TPH2: variants seen among roughly 807,000 people sequenced by gnomAD.
The protein encoded by TPH2 is tryptophan hydroxylase 2, also known as tryptophan 5-hydroxylase 2.
In TPH2, 27 loss-of-function variants were observed where a neutral mutation model predicts 59.1. The ratio of observed to expected loss-of-function variants is 0.46; its 90% confidence interval spans 0.34 to 0.63. TPH2 has a LOEUF of 0.63. Among genes scored for constraint, TPH2 ranks in the 30% least tolerant of loss-of-function variants. TPH2 has a pLI of 0.01. For missense variants in TPH2, 523 were observed against 588.3 expected (o/e 0.89, Z 1.15); for synonymous variants, 220 against 210.5 (o/e 1.05, Z -0.39).
intron 7 of TPH2, among the ~76,000 whole-genome samples, chr12:71,981,477 A>G (rs1474088455): frequency 1.3e-5 from 2 of 152,166 alleles, no homozygotes; most frequent in Admixed American, 1.3e-4. Context: ...CTCACATTCT[A>G]TGAAGGAATA....
chr12:72,020,071 T>C (rs1873368806), intron 8 of TPH2, among the ~76,000 whole-genome samples: 1 of 152,254 alleles, frequency 6.6e-6, no homozygotes, highest in Non-Finnish European at 1.5e-5. Flanking sequence ...GACAATAGTC[T>C]AGATCAGTTG....
At position 71,993,284 on chromosome 12, in the gene TPH2, G is replaced by A. The variant is rs143855141; in HGVS notation, c.942-1155G>A. Among the ~76,000 whole-genome samples the A allele has an allele frequency of 8.9e-4, 135 of 152,310 alleles. 4 individuals carry two copies. In the East Asian group the frequency reaches 0.014, roughly 16 times the overall value. On this transcript the variant is annotated intron_variant, in intron 7 of 10. Coordinates refer to ENST00000333850, the MANE Select transcript of TPH2 (RefSeq NM_173353.4). ...ATACTTTTTAATTGTAATAATGGTA[G>A]CACCTGGTATTTGTATTCTAGCAGC...
chr12:71,957,101 T>G (rs1021349951), intron 5 of TPH2, among the ~76,000 whole-genome samples: 1 of 152,192 alleles, frequency 6.6e-6, no homozygotes, highest in African/African-American at 2.4e-5. Context: ...TCTGTGGTCA[T>G]GGGCAGTGAC....
At chr12:71,989,256 C>T (rs983215056) in intron 7 of TPH2, among the ~76,000 whole-genome samples, 11 of 152,230 alleles carry the variant, frequency 7.2e-5, no homozygotes, top group African/African-American at 2.4e-4. Flanking sequence ...TATATGGCTC[C>T]AAAACAAGCC....
At chr12:72,008,895 A>G (rs1873025530) in intron 8 of TPH2, among the ~76,000 whole-genome samples, 1 of 152,114 alleles carries the variant, frequency 6.6e-6, no homozygotes, top group South Asian at 2.1e-4. Context: ...AATCCTCTAA[A>G]AAAGGGATTA....
At chr12:72,025,521 A>C (rs1873544662) in intron 9 of TPH2, among the ~76,000 whole-genome samples, 1 of 152,282 alleles carries the variant, frequency 6.6e-6, no homozygotes, top group South Asian at 2.1e-4. Flanking sequence ...TTTTTTGACA[A>C]TACTAATTCT....
chr12:71,995,388 A>G (rs1164387431), intron 8 of TPH2, among the ~76,000 whole-genome samples: 5 of 152,300 alleles, frequency 3.3e-5, no homozygotes, highest in South Asian at 2.1e-4. Flanking sequence ...CAAAACCACC[A>G]AGGGATGAAA....
intron 5 of TPH2, among the ~76,000 whole-genome samples, chr12:71,961,217 C>G (rs548464141): frequency 3.9e-5 from 6 of 152,152 alleles, no homozygotes; most frequent in Non-Finnish European, 8.8e-5. Flanking sequence ...TGATCTTGGA[C>G]AGATTATTAC....
intron 7 of TPH2, among the ~76,000 whole-genome samples, chr12:71,984,944 C>G (rs1010285804): frequency 3.3e-5 from 5 of 152,298 alleles, no homozygotes; most frequent in African/African-American, 1.2e-4. Context: ...TCCTTCCATC[C>G]TTCAGCATAG....
chr12:71,964,776 T>C, intron 5 of TPH2: 1 of 984,662 alleles, frequency 1.0e-6, no homozygotes, highest in Non-Finnish European at 1.2e-6. Flanking sequence ...TTTGTGATGA[T>C]GAATTTTTTT....
intron 5 of TPH2, among the ~76,000 whole-genome samples, chr12:71,958,139 A>C (rs1871564538): frequency 6.6e-6 from 1 of 152,226 alleles, no homozygotes; most frequent in South Asian, 2.1e-4. Context: ...CACTTGCATG[A>C]AACACCAGGT....
intron 1 of TPH2, among the ~76,000 whole-genome samples, chr12:71,940,744 G>A (rs569849190): frequency 1.3e-5 from 2 of 152,206 alleles, no homozygotes; most frequent in East Asian, 3.9e-4. Flanking sequence ...CTGAGTTACT[G>A]GAATCTGTCA....
intron 5 of TPH2, among the ~76,000 whole-genome samples, chr12:71,970,777 T>G (rs1484114073): frequency 3.3e-5 from 5 of 152,268 alleles, no homozygotes; most frequent in African/African-American, 1.2e-4. Context: ...TTTGCCAGGT[T>G]GTAATTTTTT....
chr12:71,975,617 TC>T (rs1395089238), intron 6 of TPH2, among the ~76,000 whole-genome samples: 1 of 152,186 alleles, frequency 6.6e-6, no homozygotes, highest in Admixed American at 6.5e-5. Context: ...TCATCTCTTC[TC>T]CACCTACTCA....
intron 6 of TPH2, among the ~76,000 whole-genome samples, chr12:71,973,635 C>T (rs1872036407): frequency 6.6e-6 from 1 of 152,148 alleles, no homozygotes; most frequent in African/African-American, 2.4e-5. Flanking sequence ...CACAGCTCTG[C>T]CTATAGAGTA....
intron 8 of TPH2, among the ~76,000 whole-genome samples, chr12:72,014,886 T>C (rs1247828782): frequency 6.6e-6 from 1 of 152,210 alleles, no homozygotes; most frequent in African/African-American, 2.4e-5. Context: ...TCAGAGGCAG[T>C]GGGACCTCCA....
At chr12:71,995,222 A>G (rs1872665921) in intron 8 of TPH2, among the ~76,000 whole-genome samples, 1 of 152,112 alleles carries the variant, frequency 6.6e-6, no homozygotes, top group South Asian at 2.1e-4. Context: ...TATGAGAGAA[A>G]AGGTTTAATG....
At chr12:71,947,930 C>A (rs961262788) in intron 4 of TPH2, among the ~76,000 whole-genome samples, 9 of 152,142 alleles carry the variant, frequency 5.9e-5, no homozygotes, top group African/African-American at 1.9e-4. Flanking sequence ...TGGCAGGAAC[C>A]GGGGAACAGA....
chr12:71,976,994 T>C (rs1410801074), intron 6 of TPH2, among the ~76,000 whole-genome samples: 1 of 152,136 alleles, frequency 6.6e-6, no homozygotes, highest in Non-Finnish European at 1.5e-5. Flanking sequence ...TGGGGAGATA[T>C]TGGTCAAAGA....
Sources: allele counts gnomAD v4.1 joint callset (sites outside exome capture counted in the v4.1 genomes callset), GRCh38; gene constraint gnomAD v4.1.1; transcripts MANE v1.5; gene names NCBI Gene and HGNC (gene_info 2026-07-23, HGNC 2026-07-21).